The following PEAK1 variants were observed in gnomAD, a reference collection of about 807,000 sequenced individuals.
PEAK1 encodes the protein inactive tyrosine-protein kinase PEAK1.
In PEAK1, 54 loss-of-function variants were observed where a neutral mutation model predicts 124.7. That is an observed-to-expected ratio of 0.43 (90% CI 0.35 to 0.54). PEAK1 has a LOEUF of 0.54. Ranked by LOEUF, PEAK1 falls within the 20% of genes least tolerant of loss-of-function variation. The pLI, the probability that PEAK1 is intolerant of heterozygous loss-of-function variation, is 0.01. For synonymous variants in PEAK1, 719 were observed against 760.0 expected (o/e 0.95, Z 0.89); for missense variants, 2,046 against 2,134.5 (o/e 0.96, Z 0.82).
At chr15:77,219,758 C>A (rs145867071) in intron 6 of PEAK1, among the ~76,000 whole-genome samples, 1 of 152,066 alleles carries the variant, frequency 6.6e-6, no homozygotes, top group Non-Finnish European at 1.5e-5. Context: ...ACCATTACTG[C>A]AAAGAACAAA....
At chr15:77,273,967 TA>T (rs2062172557) in intron 5 of PEAK1, among the ~76,000 whole-genome samples, 1 of 151,854 alleles carries the variant, frequency 6.6e-6, no homozygotes. Flanking sequence ...AACCCAGAAA[TA>T]AAGAGAAATA....
intron 2 of PEAK1, among the ~76,000 whole-genome samples, chr15:77,328,599 ATGTAG>A (rs2065715260): frequency 6.6e-6 from 1 of 152,148 alleles, no homozygotes; most frequent in African/African-American, 2.4e-5. Flanking sequence ...GAAATCCATA[ATGTAG>A]TCTGATTGGT....
chr15:77,150,315 G>A (rs551763031), intron 8 of PEAK1, among the ~76,000 whole-genome samples: 59 of 152,166 alleles, frequency 3.9e-4, no homozygotes, highest in African/African-American at 1.4e-3. Context: ...AACTCCTACT[G>A]GTTCTGTGAC....
chr15:77,185,699 G>C (rs555094923), intron 6 of PEAK1, among the ~76,000 whole-genome samples: 1 of 152,154 alleles, frequency 6.6e-6, no homozygotes, highest in Non-Finnish European at 1.5e-5. Context: ...GGAAGGAGAA[G>C]CAAGAAGGAG....
intron 5 of PEAK1, among the ~76,000 whole-genome samples, chr15:77,253,702 T>C (rs1008830544): frequency 6.6e-6 from 1 of 152,208 alleles, no homozygotes; most frequent in Non-Finnish European, 1.5e-5. Context: ...ACTAATGTCA[T>C]TCCATAATTT....
chr15:77,197,206 T>C (rs1035932559), intron 6 of PEAK1, among the ~76,000 whole-genome samples: 8 of 152,098 alleles, frequency 5.3e-5, no homozygotes, highest in East Asian at 1.9e-4. Flanking sequence ...TTCTGATACA[T>C]GGCAATAGAT....
intron 1 of PEAK1, among the ~76,000 whole-genome samples, chr15:77,391,476 C>CAAAAAAAAAAAAAAA (rs536286745): frequency 1.5e-5 from 1 of 68,278 alleles, no homozygotes; most frequent in Non-Finnish European, 2.6e-5. Context: ...TAACTCATGG[C>CAAAAAAAAAAAAAAA]AAAAAAAAAA....
chr15:77,208,818 G>A (rs2058777582), intron 6 of PEAK1, among the ~76,000 whole-genome samples: 1 of 152,116 alleles, frequency 6.6e-6, no homozygotes, highest in Non-Finnish European at 1.5e-5. Context: ...CTAACTCACT[G>A]GTGAAAAACT....
At chr15:77,279,104 C>T (rs199966230) in intron 5 of PEAK1, among the ~76,000 whole-genome samples, 35 of 115,008 alleles carry the variant, frequency 3.0e-4, no homozygotes, top group African/African-American at 3.5e-4. Context: ...CTCGTGTGTG[C>T]GTGTGTGTGT....
rs1378827564 is a variant in PEAK1 at position 77,286,454 on chromosome 15, T to C, written c.-552A>G. 4.9e-6 allele frequency: 6 copies of C among 1,229,698 alleles called. No individual in the cohort carries two copies. Among genetic ancestry groups the C allele is most frequent in the African/African-American group, 1.6e-5 (1 of 64,462 alleles). The allele number at this position is 1,229,698 out of a possible 1,614,324, so 76.2% of individuals were successfully genotyped here. The stretch of plus-strand genomic sequence containing the variant: ...TAATTGGCTCCAACTCTGGGCATTA[T>C]GTTGTTGCTTCCTTTTCTTTCCTTA... On this transcript the variant is annotated 5_prime_UTR_variant, in exon 3 of 10. Transcript: ENST00000682557.
chr15:77,372,813 T>C (rs1438343932), intron 1 of PEAK1, among the ~76,000 whole-genome samples: 1 of 152,160 alleles, frequency 6.6e-6, no homozygotes, highest in Non-Finnish European at 1.5e-5. Context: ...ACTGTTCTCA[T>C]GATAAGAGTT....
At chr15:77,203,842 G>A (rs968323812) in intron 6 of PEAK1, among the ~76,000 whole-genome samples, 1 of 152,092 alleles carries the variant, frequency 6.6e-6, no homozygotes, top group African/African-American at 2.4e-5. Context: ...AAATATAGAT[G>A]ATGGTGAGTT....
chr15:77,333,995 G>T (rs2066045495), intron 2 of PEAK1: 4 of 447,336 alleles, frequency 8.9e-6, no homozygotes, highest in Non-Finnish European at 1.2e-5. Context: ...TCATAGATTT[G>T]GGAAGAATTA....
chr15:77,259,995 A>G (rs1171726678), intron 5 of PEAK1, among the ~76,000 whole-genome samples: 1 of 152,212 alleles, frequency 6.6e-6, no homozygotes, highest in African/African-American at 2.4e-5. Flanking sequence ...TTACATTAAG[A>G]AGGGTAAAAT....
At chr15:77,234,770 G>C (rs2060044371) in intron 6 of PEAK1, among the ~76,000 whole-genome samples, 1 of 151,780 alleles carries the variant, frequency 6.6e-6, no homozygotes, top group African/African-American at 2.4e-5. Flanking sequence ...TGAGTAGCTA[G>C]GACTACAGGT....
chr15:77,419,522 C>A, intron 1 of PEAK1: 1 of 985,240 alleles, frequency 1.0e-6, no homozygotes, highest in Non-Finnish European at 1.2e-6. Flanking sequence ...CCGACGCTGC[C>A]GGCGAGGCTG....
intron 1 of PEAK1, chr15:77,419,473 G>C (rs2073180921): frequency 1.0e-6 from 1 of 985,208 alleles, no homozygotes; most frequent in South Asian, 4.7e-5. Flanking sequence ...CCCCAGCCGC[G>C]GCGCGAAGGG....
At chr15:77,318,276 A>C (rs1334031217) in intron 2 of PEAK1, among the ~76,000 whole-genome samples, 3 of 152,204 alleles carry the variant, frequency 2.0e-5, no homozygotes, top group Non-Finnish European at 4.4e-5. Context: ...ACAGTTTTGT[A>C]AGATGTTATG....
At chr15:77,258,800 T>C (rs1596947586) in intron 5 of PEAK1, among the ~76,000 whole-genome samples, 2 of 152,352 alleles carry the variant, frequency 1.3e-5, no homozygotes, top group African/African-American at 2.4e-5. Context: ...CCCTGTCTTG[T>C]GCCAGTTTTC....
Sources: gnomAD v4.1 joint callset for allele counts (sites outside exome capture counted in the v4.1 genomes callset) on GRCh38, gnomAD v4.1.1 for gene constraint, MANE v1.5 for transcripts, NCBI Gene and HGNC (gene_info 2026-07-23, HGNC 2026-07-21) for gene names.